The following RAB3C variants were observed in gnomAD, a reference collection of about 807,000 sequenced individuals.
The protein encoded by RAB3C is ras-related protein Rab-3C.
Under a neutral mutation model 26.4 loss-of-function variants are expected in RAB3C, and 17 were observed. The ratio of observed to expected loss-of-function variants is 0.64; its 90% CI spans 0.44 to 0.97. RAB3C has a LOEUF of 0.97. Ranked by LOEUF, RAB3C falls within the 50% of genes least tolerant of loss-of-function variation. The pLI, the probability that RAB3C is intolerant of heterozygous loss-of-function variation, is 0.00. For synonymous variants in RAB3C, 91 were observed against 95.9 expected, an observed-to-expected ratio of 0.95 and a Z score of 0.30; for missense variants, 242 against 281.9, an observed-to-expected ratio of 0.86 and a Z score of 1.01.
chr5:58,824,920 C>T, intron 3 of RAB3C, 118 bp from the exon 4 acceptor site: 5 of 643,430 alleles, frequency 7.8e-6, no homozygotes, highest in South Asian at 2.1e-5. Flanking sequence ...GGCATTTGGA[C>T]ATCGTGTTTT....
chr5:58,794,563 A>G (rs1011163333), intron 3 of RAB3C: 2 of 152,150 alleles, frequency 1.3e-5, no homozygotes, highest in African/African-American at 2.4e-5. Flanking sequence ...CTAAACCTCA[A>G]ATGCCAGTCG....
intron 2 of RAB3C, among the ~76,000 whole-genome samples, chr5:58,685,371 A>G (rs61258317): frequency 0.013 from 1,944 of 152,230 alleles, 51 homozygotes; most frequent in African/African-American, 0.045. Flanking sequence ...CCTTTGGTTC[A>G]TGGCCTCTTC....
intron 2 of RAB3C, among the ~76,000 whole-genome samples, chr5:58,649,461 C>G (rs903631912): frequency 6.6e-6 from 1 of 151,942 alleles, no homozygotes; most frequent in Non-Finnish European, 1.5e-5. Flanking sequence ...TGAAGTGCTT[C>G]ATCTTTCCTT....
chr5:58,591,921 G>A lies in RAB3C; in HGVS notation c.24+8689G>A, dbSNP rs1463982854. Among the ~76,000 whole-genome samples, 4 of 132,788 alleles carry A rather than the reference G, an allele frequency of 3.0e-5. No homozygotes were observed. The Admixed American group carries it at 3.2e-4, about 11-fold the overall frequency. The allele number at this position is 132,788 out of a possible 152,430, so 87.1% of individuals were successfully genotyped here. On this transcript the variant is annotated intron_variant, in intron 1 of 4. Coordinates refer to ENST00000282878, the MANE Select transcript of RAB3C (RefSeq NM_138453.4). Reference sequence around the variant, plus strand: ...CTATTTTTTTTTTTTTTTTCGAGATGGAGTTTTGCACTTGTTGCGCAGGCT... The same window carrying A: ...CTATTTTTTTTTTTTTTTTCGAGATAGAGTTTTGCACTTGTTGCGCAGGCT...
At chr5:58,682,745 T>A (rs1251802219) in intron 2 of RAB3C, among the ~76,000 whole-genome samples, 1 of 151,046 alleles carries the variant, frequency 6.6e-6, no homozygotes, top group African/African-American at 2.4e-5. Flanking sequence ...AAATACTGTA[T>A]GGTATATAAC....
intron 2 of RAB3C, among the ~76,000 whole-genome samples, chr5:58,642,956 G>T (rs948747607): frequency 1.3e-5 from 2 of 152,138 alleles, no homozygotes; most frequent in African/African-American, 4.8e-5. Context: ...GATCTTAGAA[G>T]GTCACATGTG....
At chr5:58,614,279 G>C (rs1746776847) in intron 1 of RAB3C, among the ~76,000 whole-genome samples, 1 of 152,044 alleles carries the variant, frequency 6.6e-6, no homozygotes, top group Admixed American at 6.6e-5. Flanking sequence ...GTGCCTGTCT[G>C]TAAACCTCTT....
intron 1 of RAB3C, among the ~76,000 whole-genome samples, chr5:58,613,213 T>C (rs558237677): frequency 6.6e-6 from 1 of 152,120 alleles, no homozygotes; most frequent in Non-Finnish European, 1.5e-5. Flanking sequence ...AAATCCATGA[T>C]CTATTCACTG....
At chr5:58,638,223 A>T (rs1284384069) in intron 2 of RAB3C, among the ~76,000 whole-genome samples, 1 of 152,052 alleles carries the variant, frequency 6.6e-6, no homozygotes, top group African/African-American at 2.4e-5. Context: ...TTTGATTGCC[A>T]GTTTTGAATT....
intron 3 of RAB3C, among the ~76,000 whole-genome samples, chr5:58,811,611 T>G (rs916164233): frequency 6.6e-6 from 1 of 152,138 alleles, no homozygotes; most frequent in Admixed American, 6.5e-5. Context: ...TTCCTTACCT[T>G]CCTGCATATC....
intron 4 of RAB3C, among the ~76,000 whole-genome samples, chr5:58,850,753 T>C (rs1744097621): frequency 1.3e-5 from 2 of 152,304 alleles, no homozygotes; most frequent in South Asian, 4.1e-4. Flanking sequence ...AGAGTCTACA[T>C]GGTGCGCTAG....
chr5:58,788,629 T>C (rs1444738377), intron 3 of RAB3C, among the ~76,000 whole-genome samples: 2 of 152,212 alleles, frequency 1.3e-5, no homozygotes, highest in East Asian at 3.8e-4. Context: ...AAAATATGCA[T>C]TTCAAATGCA....
rs144689433 is a variant in RAB3C at position 58,600,369 on chromosome 5, T to C, written c.24+17137T>C. On this transcript the variant is annotated intron_variant, in intron 1 of 4. Transcript: ENST00000282878. ...ATTTTAGAATTTTTTTTTCTAATTC[T>C]GTGAAGAATAATGGTGATATTTTTA... Among the ~76,000 whole-genome samples the C allele has an allele frequency of 4.7e-4, 72 of 152,284 alleles. 1 individual carries two copies. The highest frequency in any genetic ancestry group is 1.7e-3 in the African/African-American group (70 of 41,550).
At chr5:58,591,965 C>T (rs1226862569) in intron 1 of RAB3C, among the ~76,000 whole-genome samples, 1 of 147,726 alleles carries the variant, frequency 6.8e-6, no homozygotes, top group Non-Finnish European at 1.5e-5. Flanking sequence ...GTGGCACGAT[C>T]TCGGCTCACT....
In RAB3C at chr5:58,629,768, T is replaced by C. The variant is rs1342083422; in HGVS notation, c.252+11898T>C. 2.0e-5 allele frequency among the ~76,000 whole-genome samples: 3 copies of C among 152,214 alleles called. No homozygotes were observed. In the East Asian group the frequency reaches 5.8e-4, roughly 29 times the overall value. ...GTGGTGCATATTTTGCTTTCTTTGA[T>C]TGATCCTAAATTGGAAGCAGGGACA... On this transcript the variant is annotated intron_variant, in intron 2 of 4. Transcript: ENST00000282878.
intron 3 of RAB3C, among the ~76,000 whole-genome samples, chr5:58,809,695 C>A (rs902260670): frequency 6.6e-6 from 1 of 152,134 alleles, no homozygotes; most frequent in African/African-American, 2.4e-5. Context: ...CCCCCTGACA[C>A]ACACCACTGT....
chr5:58,700,603 C>T (rs1322551983), intron 2 of RAB3C, among the ~76,000 whole-genome samples: 1 of 152,116 alleles, frequency 6.6e-6, no homozygotes, highest in Non-Finnish European at 1.5e-5. Context: ...TGTTCCCTTG[C>T]AAAGTTTGTC....
chr5:58,764,198 T>A (rs1474385111), intron 3 of RAB3C, among the ~76,000 whole-genome samples: 1 of 152,204 alleles, frequency 6.6e-6, no homozygotes, highest in African/African-American at 2.4e-5. Context: ...AGTTACTCTT[T>A]TATCCTGAGG....
chr5:58,782,560 G>A (rs1468421140), intron 3 of RAB3C, among the ~76,000 whole-genome samples: 1 of 152,040 alleles, frequency 6.6e-6, no homozygotes, highest in African/African-American at 2.4e-5. Context: ...TAATGCACAG[G>A]ATTCCTTTTT....
Sources: gnomAD v4.1 joint callset for allele counts (sites outside exome capture counted in the v4.1 genomes callset) on GRCh38, gnomAD v4.1.1 for gene constraint, MANE v1.5 for transcripts, NCBI Gene and HGNC (gene_info 2026-07-23, HGNC 2026-07-21) for gene names.